IL1RAPL2: variants seen among roughly 807,000 people sequenced by gnomAD.
IL1RAPL2 encodes the protein X-linked interleukin-1 receptor accessory protein-like 2.
A neutral mutation model predicts 44.1 loss-of-function variants in IL1RAPL2; 3 were observed. The observed-to-expected ratio is 0.07, with a 90% CI of 0.03 to 0.18. The LOEUF (loss-of-function observed/expected upper bound fraction) is 0.18, where lower values mean the gene tolerates loss of function less well. Ranked by LOEUF, IL1RAPL2 falls within the 10% of genes least tolerant of loss-of-function variation. IL1RAPL2 has a pLI of 1.00. For synonymous variants in IL1RAPL2, 181 were observed against 178.8 expected (o/e 1.01, Z -0.10); for missense variants, 391 against 496.4 (o/e 0.79, Z 2.02).
Position 104,915,704 on chromosome X carries a change from C to G in IL1RAPL2, c.82+256709C>G, listed in dbSNP as rs760684128. ...TTCTAGGGTTTTTATGGTTTTAGGT[C>G]TCACGTTTAAGTGTTTAATCCATCT... On this transcript the variant is annotated intron_variant, in intron 2 of 10. Transcript: ENST00000372582. Among the ~76,000 whole-genome samples the G allele has an allele frequency of 1.5e-3, 164 of 111,536 alleles. 1 individual carries two copies. The highest frequency in any genetic ancestry group is 4.7e-3 in the African/African-American group (145 of 30,686).
At chrX:105,753,602 T>C (rs2038613528) in intron 9 of IL1RAPL2, among the ~76,000 whole-genome samples, 1 of 110,962 alleles carries the variant, frequency 9.0e-6, no homozygotes, top group Non-Finnish European at 1.9e-5. Context: ...GGTTCTTACA[T>C]TAGCATTGCT....
intron 2 of IL1RAPL2, among the ~76,000 whole-genome samples, chrX:105,034,716 T>C (rs182042232): frequency 0.068 from 7,621 of 112,092 alleles, 700 homozygotes; most frequent in African/African-American, 0.23. Flanking sequence ...GCAGTCTGCC[T>C]GTTCTCAGAT....
intron 2 of IL1RAPL2, among the ~76,000 whole-genome samples, chrX:105,044,482 C>T (rs778275901): frequency 9.0e-6 from 1 of 110,787 alleles, no homozygotes; most frequent in African/African-American, 3.3e-5. Flanking sequence ...AGCTGGAAAG[C>T]AGATGGACAA....
chrX:105,062,550 C>T (rs2032088448), intron 2 of IL1RAPL2, among the ~76,000 whole-genome samples: 1 of 110,995 alleles, frequency 9.0e-6, no homozygotes, highest in African/African-American at 3.3e-5. Flanking sequence ...CAGGTGGTTA[C>T]TTATTGCATA....
chrX:105,067,783 G>T (rs2032155972), intron 2 of IL1RAPL2, among the ~76,000 whole-genome samples: 1 of 111,360 alleles, frequency 9.0e-6, no homozygotes, highest in Non-Finnish European at 1.9e-5. Context: ...ACACACACGC[G>T]TGCACACACA....
intron 2 of IL1RAPL2, among the ~76,000 whole-genome samples, chrX:105,040,529 T>A (rs963026463): frequency 3.6e-5 from 4 of 110,800 alleles, no homozygotes; most frequent in African/African-American, 1.3e-4. Context: ...TTTTGGTTGG[T>A]AAGCTATTGA....
chrX:104,972,187 G>A (rs1403480049), intron 2 of IL1RAPL2, among the ~76,000 whole-genome samples: 1 of 111,706 alleles, frequency 9.0e-6, no homozygotes, highest in African/African-American at 3.3e-5. Flanking sequence ...TGCATGTTCT[G>A]ATCCAATAGA....
chrX:105,447,819 A>AAT (rs1334960620), intron 5 of IL1RAPL2, among the ~76,000 whole-genome samples: 1 of 91,548 alleles, frequency 1.1e-5, no homozygotes, highest in African/African-American at 4.1e-5. Flanking sequence ...TAAATATATA[A>AAT]ATATATATAA....
intron 2 of IL1RAPL2, among the ~76,000 whole-genome samples, chrX:104,809,625 T>G (rs1297223070): frequency 9.1e-6 from 1 of 109,901 alleles, no homozygotes; most frequent in Non-Finnish European, 1.9e-5. Context: ...ATTCTGGATA[T>G]TAGCCCTTTG....
intron 2 of IL1RAPL2, among the ~76,000 whole-genome samples, chrX:104,916,927 T>G (rs905642854): frequency 2.6e-4 from 29 of 111,539 alleles, no homozygotes; most frequent in Non-Finnish European, 2.3e-4. Flanking sequence ...GCCCACTTGA[T>G]CATGGTGGAT....
At chrX:104,613,777 T>C (rs1394295589) in intron 1 of IL1RAPL2, among the ~76,000 whole-genome samples, 1 of 108,571 alleles carries the variant, frequency 9.2e-6, no homozygotes, top group East Asian at 2.9e-4. Context: ...TGGCAGAATT[T>C]GGATGTAAAT....
At chrX:104,856,671 A>G (rs1303758326) in intron 2 of IL1RAPL2, among the ~76,000 whole-genome samples, 1 of 112,136 alleles carries the variant, frequency 8.9e-6, no homozygotes, top group Non-Finnish European at 1.9e-5. Flanking sequence ...TGTCTTATAC[A>G]TAATGATAAT....
rs756943019 is a variant in IL1RAPL2, at chrX:105,663,627, T to A, written c.773-53740T>A. ...CACAGAAAAAAGTGACCTCTGGTGT[T>A]ATTCATGTAGTTTTCATTGATTTTA... On this transcript the variant is annotated intron_variant, in intron 6 of 10. Coordinates refer to ENST00000372582, the MANE Select transcript of IL1RAPL2 (RefSeq NM_017416.2). Among the ~76,000 whole-genome samples, 3 of 112,042 alleles carry A rather than the reference T, an allele frequency of 2.7e-5. No individual in the cohort carries two copies. In the South Asian group the frequency reaches 1.1e-3, roughly 42 times the overall value.
intron 1 of IL1RAPL2, among the ~76,000 whole-genome samples, chrX:104,584,006 C>T (rs761298331): frequency 8.1e-5 from 9 of 111,145 alleles, no homozygotes; most frequent in South Asian, 7.7e-4. Context: ...CGTGGAGTCC[C>T]GGGTTCCTCA....
intron 5 of IL1RAPL2, among the ~76,000 whole-genome samples, chrX:105,303,863 C>T (rs1323379161): frequency 8.9e-6 from 1 of 112,784 alleles, no homozygotes; most frequent in Non-Finnish European, 1.9e-5. Context: ...GTCACAAGAC[C>T]TCTGAAGAGG....
chrX:105,489,834 TC>T (rs1334998523), intron 6 of IL1RAPL2, among the ~76,000 whole-genome samples: 1 of 104,846 alleles, frequency 9.5e-6, no homozygotes. Context: ...TCTTTTTCTT[TC>T]TTTTTTTCTT....
At chrX:105,478,908 G>A (rs1474679183) in intron 5 of IL1RAPL2, among the ~76,000 whole-genome samples, 1 of 111,891 alleles carries the variant, frequency 8.9e-6, no homozygotes, top group East Asian at 2.8e-4. Context: ...TCCTCCAGGA[G>A]CTTAAAAATA....
At chrX:105,097,096 A>G (rs1046489991) in intron 2 of IL1RAPL2, among the ~76,000 whole-genome samples, 2 of 109,461 alleles carry the variant, frequency 1.8e-5, no homozygotes, top group Non-Finnish European at 3.8e-5. Context: ...TGGGAGGCCG[A>G]GGCGGGCGGA....
intron 3 of IL1RAPL2, among the ~76,000 whole-genome samples, chrX:105,216,693 C>A (rs2033861634): frequency 9.0e-6 from 1 of 111,413 alleles, no homozygotes; most frequent in African/African-American, 3.3e-5. Flanking sequence ...CACTACCTGA[C>A]CTCAAACTAT....
Sources: gnomAD v4.1 joint callset for allele counts (sites outside exome capture counted in the v4.1 genomes callset) on GRCh38, gnomAD v4.1.1 for gene constraint, MANE v1.5 for transcripts, NCBI Gene and HGNC (gene_info 2026-07-23, HGNC 2026-07-21) for gene names.